The following TBC1D14 variants were observed in gnomAD, a reference collection of about 807,000 sequenced individuals.
TBC1D14 encodes the protein TBC1 domain family, member 14.
Under a neutral mutation model 79.0 loss-of-function variants are expected in TBC1D14, and 26 were observed. The ratio of observed to expected loss-of-function variants is 0.33; its 90% CI spans 0.24 to 0.46. The LOEUF is 0.46. TBC1D14 is among the 20% of genes least tolerant of loss of function. TBC1D14 has a pLI of 1.00. For missense variants in TBC1D14, 769 were observed against 887.6 expected (o/e 0.87, Z 1.70); for synonymous variants, 394 against 349.9 (o/e 1.13, Z -1.40).
chr4:6,958,533 A>AT (rs1714882389), intron 2 of TBC1D14, among the ~76,000 whole-genome samples: 1 of 151,928 alleles, frequency 6.6e-6, no homozygotes, highest in Non-Finnish European at 1.5e-5. Context: ...GGCTCAAGCG[A>AT]TTCCCCCCAC....
intron 2 of TBC1D14, among the ~76,000 whole-genome samples, chr4:6,947,415 G>A (rs544230990): frequency 3.3e-5 from 5 of 151,462 alleles, no homozygotes; most frequent in South Asian, 2.1e-4. Context: ...GGAGAGTGGC[G>A]TGAACCCGGG....
intron 6 of TBC1D14, among the ~76,000 whole-genome samples, chr4:6,999,913 T>G (rs1719484756): frequency 6.6e-6 from 1 of 152,026 alleles, no homozygotes; most frequent in Non-Finnish European, 1.5e-5. Context: ...CTGTGGGTCT[T>G]GTTTTTATTC....
intron 3 of TBC1D14, among the ~76,000 whole-genome samples, chr4:6,986,762 G>A (rs1717869070): frequency 1.3e-5 from 2 of 152,228 alleles, no homozygotes; most frequent in Non-Finnish European, 2.9e-5. Context: ...GAAGGGCGCT[G>A]TCCCGCCAGC....
At chr4:6,954,480 T>G in intron 2 of TBC1D14, 1 of 690,154 alleles carries the variant, frequency 1.4e-6, no homozygotes, top group South Asian at 1.6e-5. Context: ...TCCCCCGGTG[T>G]GAAATGGAGG....
At chr4:6,960,860 C>G (rs964939525) in intron 2 of TBC1D14, among the ~76,000 whole-genome samples, 1 of 152,158 alleles carries the variant, frequency 6.6e-6, no homozygotes, top group Admixed American at 6.5e-5. Context: ...TGTGAAAGAC[C>G]CTGGTAACAG....
chr4:6,912,018 C>T (rs1723035455), intron 1 of TBC1D14, among the ~76,000 whole-genome samples: 1 of 152,090 alleles, frequency 6.6e-6, no homozygotes, highest in African/African-American at 2.4e-5. Flanking sequence ...CTCCTCGGCT[C>T]AAGCGATTCT....
chr4:6,987,261 G>A (rs1457154872), intron 3 of TBC1D14: 8 of 1,275,482 alleles, frequency 6.3e-6, no homozygotes, highest in Non-Finnish European at 6.9e-6. Flanking sequence ...CCGCCCGCCC[G>A]CGGTCCGGGA....
chr4:6,998,851 T>C, intron 5 of TBC1D14: 2 of 465,786 alleles, frequency 4.3e-6, no homozygotes, highest in Non-Finnish European at 7.8e-6. Context: ...CTGAATCGTA[T>C]TCTTCTTTGT....
Position 6,987,282 on chromosome 4 carries a change from G to GAGGC in TBC1D14, c.844-6901_844-6898dup, listed in dbSNP as rs1014668527. On this transcript the variant is annotated intron_variant, in intron 3 of 13. Coordinates refer to ENST00000409757, the MANE Select transcript of TBC1D14 (RefSeq NM_020773.3). ...GCCCGCGGTCCGGGAGGGAGGGAGG[G>GAGGC]AGGCCGGCCCTCCGCTCGCTGGGCA... 7.8e-4 allele frequency: 1,040 copies of GAGGC among 1,340,022 alleles called. 13 individuals carry two copies. The highest frequency in any genetic ancestry group is 4.4e-5 in the Non-Finnish European group (46 of 1,041,098). The allele number at this position is 1,340,022 out of a possible 1,614,324, so 83.0% of individuals were successfully genotyped here. A position where few individuals can be genotyped will look rare whatever the true frequency, so the allele number is the denominator to read the frequency against.
chr4:6,995,998 G>C (rs982147988), intron 4 of TBC1D14, among the ~76,000 whole-genome samples: 1 of 151,140 alleles, frequency 6.6e-6, no homozygotes, highest in East Asian at 1.9e-4. Flanking sequence ...CACCATGCCC[G>C]GCTAATTTTT....
At chr4:6,990,715 T>G (rs1718401714) in intron 3 of TBC1D14, among the ~76,000 whole-genome samples, 1 of 152,176 alleles carries the variant, frequency 6.6e-6, no homozygotes, top group African/African-American at 2.4e-5. Flanking sequence ...CCCAGCCATT[T>G]TACATATCTT....
chr4:7,001,494 T>G, intron 7 of TBC1D14: 1 of 460,010 alleles, frequency 2.2e-6, no homozygotes, highest in Non-Finnish European at 3.9e-6. Context: ...AGACAGGGCT[T>G]AGAGCATCGG....
chr4:6,977,246 G>C (rs1255904745), intron 3 of TBC1D14, among the ~76,000 whole-genome samples: 16 of 147,044 alleles, frequency 1.1e-4, no homozygotes, highest in African/African-American at 3.7e-4. Flanking sequence ...TCAGCCTGCC[G>C]AGTGCCTGCG....
intron 3 of TBC1D14, among the ~76,000 whole-genome samples, chr4:6,988,842 C>T (rs66519732): frequency 6.9e-6 from 1 of 145,626 alleles, no homozygotes; most frequent in African/African-American, 2.5e-5. Context: ...CCTTTCTTGT[C>T]TTTCTACCAG....
At chr4:7,015,165 C>T (rs1340896292) in intron 12 of TBC1D14, among the ~76,000 whole-genome samples, 2 of 151,600 alleles carry the variant, frequency 1.3e-5, no homozygotes, top group East Asian at 3.9e-4. Context: ...GGCAGGATTG[C>T]GGGGCCAGGG....
chr4:7,003,039 C>T (rs1036116848), intron 7 of TBC1D14, among the ~76,000 whole-genome samples: 2 of 152,228 alleles, frequency 1.3e-5, no homozygotes, highest in East Asian at 3.9e-4. Flanking sequence ...AGGTTTTGCT[C>T]TTGTGGTTGT....
At chr4:6,989,140 C>T (rs556955735) in intron 3 of TBC1D14, among the ~76,000 whole-genome samples, 1 of 152,080 alleles carries the variant, frequency 6.6e-6, no homozygotes, top group Non-Finnish European at 1.5e-5. Context: ...TTTAAACCAA[C>T]AAACGTTAAA....
rs139522103 is a variant in TBC1D14 at position 6,932,985 on chromosome 4, T to C, written c.722+8874T>C. 4.7e-4 allele frequency among the ~76,000 whole-genome samples: 71 copies of C among 152,198 alleles called. 1 individual carries two copies. The highest frequency in any genetic ancestry group is 3.4e-3 in the Middle Eastern group (1 of 294). On this transcript the variant is annotated intron_variant, in intron 2 of 13. Transcript: ENST00000409757. Reference sequence around the variant, plus strand: ...GCTAAGGAATTGTCTGCTTCCAGGCTCACTGAGGCTGTTGGCAGAGCTCGT... The same window carrying C: ...GCTAAGGAATTGTCTGCTTCCAGGCCCACTGAGGCTGTTGGCAGAGCTCGT...
intron 3 of TBC1D14, among the ~76,000 whole-genome samples, chr4:6,968,884 G>A (rs76690279): frequency 0.012 from 1,813 of 152,358 alleles, 16 homozygotes; most frequent in Middle Eastern, 0.037. Context: ...GCCCAGTGCT[G>A]CGTCGTGGGG....
Sources: gnomAD v4.1 joint callset for allele counts (sites outside exome capture counted in the v4.1 genomes callset) on GRCh38, gnomAD v4.1.1 for gene constraint, MANE v1.5 for transcripts, NCBI Gene and HGNC (gene_info 2026-07-23, HGNC 2026-07-21) for gene names.